Variants in SNX31 observed in about 807,000 individuals in gnomAD.
SNX31 encodes sorting nexin 31, also known as sorting nexin-31.
In SNX31, 58 loss-of-function variants were observed where a neutral mutation model predicts 65.4. That is an observed-to-expected ratio of 0.89 (90% CI 0.72 to 1.10). The LOEUF (loss-of-function observed/expected upper bound fraction) is 1.10. Among genes scored for constraint, SNX31 ranks in the 50% least tolerant of loss-of-function variants. The pLI is 0.00. For missense variants in SNX31, 523 were observed against 529.7 expected, an observed-to-expected ratio of 0.99 and a Z score of 0.12; for synonymous variants, 181 against 190.1, an observed-to-expected ratio of 0.95 and a Z score of 0.39.
At chr8:100,659,258 C>A (rs146487649) in intron 1 of SNX31, among the ~76,000 whole-genome samples, 24 of 148,958 alleles carry the variant, frequency 1.6e-4, no homozygotes, top group South Asian at 2.1e-4. Flanking sequence ...ACGCAGGAGA[C>A]TTGCTTGAAC....
intron 4 of SNX31, among the ~76,000 whole-genome samples, chr8:100,620,700 G>A (rs1817619459): frequency 6.6e-6 from 1 of 152,170 alleles, no homozygotes; most frequent in Non-Finnish European, 1.5e-5. Context: ...TGGGCTCATT[G>A]TTTCACATAT....
intron 8 of SNX31, among the ~76,000 whole-genome samples, chr8:100,606,584 A>G (rs1816184066): frequency 6.6e-6 from 1 of 152,136 alleles, no homozygotes; most frequent in Non-Finnish European, 1.5e-5. Context: ...ACCTTTTTCT[A>G]CACCCAAAGT....
In SNX31 at chr8:100,575,984, C is replaced by T. The variant is rs1813016822; in HGVS notation, c.1227+1035G>A. ...TGCATTAAAATGATGAAGTGATTGC[C>T]ATCTACATTTTACAGACAAAGATAT... On this transcript the variant is annotated intron_variant, in intron 13 of 13. Transcript: ENST00000311812. The surrounding 1 kb of genome is among the most constrained non-coding windows in gnomAD (Gnocchi z 5.1). Among the ~76,000 whole-genome samples, 1 of 152,142 alleles carries T rather than the reference C, an allele frequency of 6.6e-6. No homozygotes were observed. Among genetic ancestry groups the T allele is most frequent in the Non-Finnish European group, 1.5e-5 (1 of 68,028 alleles).
Position 100,610,018 on chromosome 8 carries a change from C to A in SNX31, c.612-1455G>T, listed in dbSNP as rs557459756. Among the ~76,000 whole-genome samples the A allele has an allele frequency of 1.3e-5, 2 of 152,190 alleles. No individual in the cohort carries two copies. The highest frequency in any genetic ancestry group is 6.5e-5 in the Admixed American group (1 of 15,284). ...TGGAGCTAGCCTTCCAGCTCCCATG[C>A]GGCAAGACTTCCCTCTGGAAAGAGG... is the stretch of plus-strand genomic sequence containing the variant. On this transcript the variant is annotated intron_variant, in intron 7 of 13. Transcript: ENST00000311812. This position sits in a 1 kb window ranked among gnomAD's most constrained non-coding sequence, Gnocchi z 4.0.
chr8:100,659,380 G>A (rs1029476863), intron 1 of SNX31, among the ~76,000 whole-genome samples: 4 of 148,554 alleles, frequency 2.7e-5, no homozygotes, highest in Admixed American at 6.7e-5. Context: ...AAAAAAAAGC[G>A]TGGGGGGACA....
chr8:100,618,049 A>G, intron 4 of SNX31: 1 of 983,860 alleles, frequency 1.0e-6, no homozygotes, highest in Non-Finnish European at 1.2e-6. Flanking sequence ...TACAGGCCTG[A>G]GCCACCACGC....
chr8:100,655,770 G>C (rs1345949184), intron 1 of SNX31, among the ~76,000 whole-genome samples: 2 of 152,300 alleles, frequency 1.3e-5, no homozygotes, highest in South Asian at 2.1e-4. Flanking sequence ...TCTTTTGAAG[G>C]TTGCAGCTGC....
intron 10 of SNX31, among the ~76,000 whole-genome samples, chr8:100,589,555 C>A (rs1814386533): frequency 6.6e-6 from 1 of 152,110 alleles, no homozygotes; most frequent in Non-Finnish European, 1.5e-5. Context: ...AGAAACTACC[C>A]AAGTTTGTCG....
Position 100,586,620 on chromosome 8 carries a change from C to T in SNX31, c.1092+2246G>A, listed in dbSNP as rs369732450. ...TGACTGATAATCTTGCCTTAGCAAACCAGTCTACTATTTCCCCAAAGATGT... is the reference window on the plus strand; with the variant it reads ...TGACTGATAATCTTGCCTTAGCAAATCAGTCTACTATTTCCCCAAAGATGT... On this transcript the variant is annotated intron_variant, in intron 11 of 13. Transcript: ENST00000311812. Among the ~76,000 whole-genome samples, 13 of 152,338 alleles carry T rather than the reference C, an allele frequency of 8.5e-5. 1 individual carries two copies. In the East Asian group the frequency reaches 1.7e-3, roughly 20 times the overall value.
exon 1 of SNX31, chr8:100,663,189 C>T (rs1809816162): frequency 6.6e-6 from 1 of 152,288 alleles, no homozygotes; most frequent in East Asian, 1.9e-4. Context: ...CATCAGAAGC[C>T]CAGACCTCAG....
chr8:100,632,316 G>C (rs1474460609), intron 3 of SNX31, among the ~76,000 whole-genome samples: 2 of 152,104 alleles, frequency 1.3e-5, no homozygotes, highest in African/African-American at 4.8e-5. Flanking sequence ...CAAACTAAGG[G>C]AGAGTGAAAA....
In SNX31 at chr8:100,594,282, C is replaced by T. The variant is rs141373041; in HGVS notation, c.978+2357G>A. ...TTGCACCACTGCACTCCAGCCTGGG[C>T]GACAGAGCAAGACTCTGTCTCAAAA... is the stretch of plus-strand genomic sequence containing the variant. On this transcript the variant is annotated intron_variant, in intron 10 of 13. Coordinates refer to ENST00000311812, the MANE Select transcript of SNX31 (RefSeq NM_152628.4). The surrounding 1 kb of genome is among the most constrained non-coding windows in gnomAD (Gnocchi z 4.0). Among the ~76,000 whole-genome samples the T allele has an allele frequency of 1.1e-4, 16 of 152,036 alleles. No homozygotes were observed. The highest frequency in any genetic ancestry group is 8.3e-4 in the South Asian group (4 of 4,798).
intron 10 of SNX31, among the ~76,000 whole-genome samples, chr8:100,593,227 G>C (rs768823484): frequency 6.6e-6 from 1 of 152,154 alleles, no homozygotes; most frequent in African/African-American, 2.4e-5. Flanking sequence ...AAAGACACGT[G>C]TGATATTGGT....
At chr8:100,623,132 C>T (rs1817814353) in intron 4 of SNX31, among the ~76,000 whole-genome samples, 1 of 152,200 alleles carries the variant, frequency 6.6e-6, no homozygotes, top group Non-Finnish European at 1.5e-5. Context: ...GGCATCTACT[C>T]AGCTTCTGGG....
At chr8:100,599,502 G>A (rs112024763) in intron 9 of SNX31, among the ~76,000 whole-genome samples, 16 of 152,052 alleles carry the variant, frequency 1.1e-4, no homozygotes, top group African/African-American at 3.4e-4. Flanking sequence ...GGCAGGTGGG[G>A]GGGATATTAA....
At chr8:100,649,248 C>A in intron 2 of SNX31, 26 bp downstream of exon 2, 1 of 1,611,558 alleles carries the variant, frequency 6.2e-7, no homozygotes, top group African/African-American at 1.3e-5. Flanking sequence ...AGTGGATGGG[C>A]TCGTACCCGC....
rs1456415734 is a variant in SNX31, at chr8:100,648,109, C to T, written c.141+1165G>A. ...ACCTTGAAAATGGACTTTTCCAATG[C>T]ACTGTGATGTATGAGCAAGAAGGCT... On this transcript the variant is annotated intron_variant, in intron 2 of 13. Coordinates refer to ENST00000311812, the MANE Select transcript of SNX31 (RefSeq NM_152628.4). The surrounding 1 kb of genome is among the most constrained non-coding windows in gnomAD (Gnocchi z 4.3). Among the ~76,000 whole-genome samples the T allele has an allele frequency of 1.3e-5, 2 of 152,190 alleles. No homozygotes were observed. Among genetic ancestry groups the T allele is most frequent in the African/African-American group, 2.4e-5 (1 of 41,426 alleles).
chr8:100,645,352 C>T (rs1819547895), intron 2 of SNX31, among the ~76,000 whole-genome samples: 1 of 152,184 alleles, frequency 6.6e-6, no homozygotes. Flanking sequence ...GAATTCTGAG[C>T]TGTTTCACAT....
intron 2 of SNX31, 52 bp from the exon 3 acceptor site, chr8:100,636,063 T>C: frequency 2.2e-6 from 3 of 1,370,950 alleles, no homozygotes; most frequent in Non-Finnish European, 3.1e-6. Flanking sequence ...AGTTCAGGGT[T>C]GATGAGATTA....
Sources: gnomAD v4.1 joint callset for allele counts (sites outside exome capture counted in the v4.1 genomes callset) on GRCh38, gnomAD v4.1.1 for gene constraint, Gnocchi (gnomAD v3.1) non-coding constraint, MANE v1.5 for transcripts, NCBI Gene and HGNC (gene_info 2026-07-23, HGNC 2026-07-21) for gene names.